The following CNTNAP2 variants were observed in gnomAD, a reference collection of about 807,000 sequenced individuals.
The protein encoded by CNTNAP2 is contactin-associated protein-like 2.
A neutral mutation model predicts 155.2 loss-of-function variants in CNTNAP2; 98 were observed. The observed-to-expected ratio is 0.63, with a 90% CI of 0.54 to 0.75. The LOEUF is 0.75. Ranked by LOEUF, CNTNAP2 falls within the 30% of genes least tolerant of loss-of-function variation. CNTNAP2 has a pLI of 0.00. For synonymous variants in CNTNAP2, 651 were observed against 631.2 expected, an observed-to-expected ratio of 1.03 and a Z score of -0.47; for missense variants, 1,727 against 1,688.1, an observed-to-expected ratio of 1.02 and a Z score of -0.40.
intron 13 of CNTNAP2, among the ~76,000 whole-genome samples, chr7:147,732,861 G>T (rs866079144): frequency 6.6e-6 from 1 of 152,088 alleles, no homozygotes; most frequent in Non-Finnish European, 1.5e-5. Flanking sequence ...CATATCCTTC[G>T]CCCACTTGTT....
intron 1 of CNTNAP2, among the ~76,000 whole-genome samples, chr7:146,605,438 C>G (rs1247088022): frequency 4.0e-5 from 6 of 148,606 alleles, no homozygotes; most frequent in Admixed American, 4.0e-4. Context: ...GCCCTAGTAC[C>G]TCAACTGTAT....
chr7:147,575,053 C>T (rs780857867), intron 12 of CNTNAP2, among the ~76,000 whole-genome samples: 2 of 151,736 alleles, frequency 1.3e-5, no homozygotes, highest in Non-Finnish European at 2.9e-5. Context: ...TACTTTCCAT[C>T]CTCCAAAATT....
chr7:146,253,793 A>C (rs971488570), intron 1 of CNTNAP2, among the ~76,000 whole-genome samples: 7 of 152,148 alleles, frequency 4.6e-5, no homozygotes, highest in Non-Finnish European at 8.8e-5. Flanking sequence ...ATGGTGACTC[A>C]TGCCTTTAAT....
At chr7:147,048,787 ACAT>A (rs1300553070) in intron 4 of CNTNAP2, among the ~76,000 whole-genome samples, 1 of 152,170 alleles carries the variant, frequency 6.6e-6, no homozygotes, top group African/African-American at 2.4e-5. Context: ...AGGAACCAAA[ACAT>A]CATGTATGTT....
intron 1 of CNTNAP2, among the ~76,000 whole-genome samples, chr7:146,136,545 A>T (rs1001162040): frequency 2.0e-5 from 3 of 152,102 alleles, no homozygotes; most frequent in Non-Finnish European, 4.4e-5. Flanking sequence ...AGAGGAAATT[A>T]GTGTGGCGTG....
intron 9 of CNTNAP2, among the ~76,000 whole-genome samples, chr7:147,357,847 G>A (rs950957941): frequency 8.6e-5 from 13 of 151,918 alleles, no homozygotes; most frequent in African/African-American, 3.1e-4. Context: ...AAGCTTCTAC[G>A]TTCCTTGGAA....
intron 9 of CNTNAP2, among the ~76,000 whole-genome samples, chr7:147,371,072 A>T (rs1347878932): frequency 1.3e-5 from 2 of 152,166 alleles, no homozygotes; most frequent in Non-Finnish European, 2.9e-5. Flanking sequence ...CAGATGCCTC[A>T]AACCTTAACG....
intron 8 of CNTNAP2, among the ~76,000 whole-genome samples, chr7:147,298,298 C>A (rs1445287605): frequency 6.6e-6 from 1 of 151,958 alleles, no homozygotes; most frequent in Non-Finnish European, 1.5e-5. Flanking sequence ...GTGATGCACG[C>A]CTATAATCCC....
At chr7:147,732,745 G>A (rs1429085013) in intron 13 of CNTNAP2, among the ~76,000 whole-genome samples, 1 of 152,148 alleles carries the variant, frequency 6.6e-6, no homozygotes, top group Admixed American at 6.5e-5. Context: ...GGTGTGAGAT[G>A]GTATCTCATT....
intron 13 of CNTNAP2, among the ~76,000 whole-genome samples, chr7:147,667,002 A>C (rs1265098716): frequency 3.9e-5 from 6 of 152,234 alleles, no homozygotes; most frequent in African/African-American, 7.2e-5. Context: ...AAGACCAGTC[A>C]CAGAAGTGAA....
chr7:147,566,922 C>G (rs1489844317), intron 12 of CNTNAP2, among the ~76,000 whole-genome samples: 2 of 152,126 alleles, frequency 1.3e-5, no homozygotes, highest in African/African-American at 4.8e-5. Context: ...GCAAACAGAT[C>G]ATCTGTGTGG....
rs572178641 is a variant in CNTNAP2 at position 147,091,960 on chromosome 7, C to T, written c.551-16187C>T. ...TTCACCATGTCAGTCAGGATGGTGT[C>T]GATCTCCTGACCTCGTGATCTGCCC... On this transcript the variant is annotated intron_variant, in intron 4 of 23. Coordinates refer to ENST00000361727, the MANE Select transcript of CNTNAP2 (RefSeq NM_014141.6). Among the ~76,000 whole-genome samples, 14 of 151,686 alleles carry T rather than the reference C, an allele frequency of 9.2e-5. 1 individual carries two copies. In the South Asian group the frequency reaches 2.7e-3, roughly 29 times the overall value.
intron 15 of CNTNAP2, among the ~76,000 whole-genome samples, chr7:148,042,039 C>T (rs1319849108): frequency 2.0e-5 from 3 of 152,168 alleles, no homozygotes; most frequent in African/African-American, 4.8e-5. Flanking sequence ...ATTGAAAGGT[C>T]AGCTGAAGTT....
At chr7:147,854,328 T>A (rs1799000265) in intron 13 of CNTNAP2, among the ~76,000 whole-genome samples, 1 of 152,200 alleles carries the variant, frequency 6.6e-6, no homozygotes, top group South Asian at 2.1e-4. Context: ...TTTAACTTCA[T>A]AAGGATTTAG....
intron 1 of CNTNAP2, among the ~76,000 whole-genome samples, chr7:146,242,360 A>T (rs1799575969): frequency 6.6e-6 from 1 of 152,102 alleles, no homozygotes; most frequent in Non-Finnish European, 1.5e-5. Context: ...CAACATGGTG[A>T]AACCCCGTCT....
chr7:147,389,187 G>T (rs746365049), intron 9 of CNTNAP2, among the ~76,000 whole-genome samples: 53 of 152,166 alleles, frequency 3.5e-4, no homozygotes, highest in Admixed American at 2.7e-3. Flanking sequence ...TAGACATTTT[G>T]TTATTCAGGA....
At chr7:146,789,536 G>C (rs569991104) in intron 2 of CNTNAP2, among the ~76,000 whole-genome samples, 23 of 150,710 alleles carry the variant, frequency 1.5e-4, no homozygotes, top group Non-Finnish European at 2.4e-4. Context: ...TATACTAAAA[G>C]CCTAGCCAAA....
intron 19 of CNTNAP2, among the ~76,000 whole-genome samples, chr7:148,223,408 G>A (rs927606912): frequency 2.0e-5 from 3 of 152,208 alleles, no homozygotes; most frequent in African/African-American, 7.2e-5. Context: ...AGTGTGTGCT[G>A]ATGATAATGA....
intron 1 of CNTNAP2, among the ~76,000 whole-genome samples, chr7:146,353,291 G>A (rs756051026): frequency 1.2e-4 from 18 of 152,102 alleles, no homozygotes; most frequent in Non-Finnish European, 1.8e-4. Context: ...TGACATGGCC[G>A]AACTATTTGC....
Sources: allele counts gnomAD v4.1 joint callset (sites outside exome capture counted in the v4.1 genomes callset), GRCh38; gene constraint gnomAD v4.1.1; transcripts MANE v1.5; gene names NCBI Gene and HGNC (gene_info 2026-07-23, HGNC 2026-07-21).